The following MAF variants were observed in gnomAD, a reference collection of about 807,000 sequenced individuals.
The protein encoded by MAF is MAF bZIP transcription factor, also known as transcription factor Maf.
A neutral mutation model predicts 22.0 loss-of-function variants in MAF; 10 were observed. The ratio of observed to expected loss-of-function variants is 0.45; its 90% CI spans 0.28 to 0.77. MAF has a LOEUF of 0.77. MAF is among the 30% of genes least tolerant of loss of function. The pLI is 0.12. For synonymous variants in MAF, 337 were observed against 255.8 expected (o/e 1.32, Z -3.03); for missense variants, 544 against 548.4 (o/e 0.99, Z 0.08).
chr16:79,313,016 A>G, the MAF span, among the ~76,000 whole-genome samples: 1,174 of 152,294 alleles, frequency 7.7e-3, 15 homozygotes, highest in African/African-American at 0.027. Context: ...ATGGGCTTCA[A>G]CTCAGAGAAG....
the MAF span, among the ~76,000 whole-genome samples, chr16:79,231,465 A>G: frequency 9.6e-3 from 1,467 of 152,246 alleles, 30 homozygotes; most frequent in African/African-American, 0.033. Flanking sequence ...AATGGAACAG[A>G]AAACAGTGGT....
the MAF span, among the ~76,000 whole-genome samples, chr16:79,391,603 A>C: frequency 6.6e-6 from 1 of 152,158 alleles, no homozygotes; most frequent in African/African-American, 2.4e-5. Flanking sequence ...GCAAGGAGTG[A>C]AATGGGGGCA....
At chr16:79,367,380 A>G in the MAF span, among the ~76,000 whole-genome samples, 4 of 152,186 alleles carry the variant, frequency 2.6e-5, no homozygotes, top group Non-Finnish European at 4.4e-5. Flanking sequence ...TGCAGTTACC[A>G]TCTGTAGAAA....
At chr16:79,583,494 C>T (rs556647572), downstream of MAF, among the ~76,000 whole-genome samples, 7 of 152,142 alleles carry the variant, frequency 4.6e-5, no homozygotes, top group Non-Finnish European at 7.3e-5. Context: ...TCCCACCTGC[C>T]CTGCCCTGAG....
At chr16:79,309,042 G>C in the MAF span, among the ~76,000 whole-genome samples, 2 of 152,210 alleles carry the variant, frequency 1.3e-5, no homozygotes, top group African/African-American at 2.4e-5. Flanking sequence ...ATATGAAGGA[G>C]TTGAGGCTCT....
the MAF span, among the ~76,000 whole-genome samples, chr16:79,476,552 C>A: frequency 1.3e-5 from 2 of 152,194 alleles, no homozygotes; most frequent in African/African-American, 4.8e-5. Context: ...TCCTTTCTTG[C>A]ATTGTGGTCT....
rs1913363986 is a variant in MAF, at chr16:79,594,247, A to G, written c.*213T>C. ...ACCTGTTTACTTGCACACACCATAA[A>G]TCGAAAAGCAGGAGTGCGCTTTCCT... On this transcript the variant is annotated 3_prime_UTR_variant, in exon 2 of 2. Coordinates refer to ENST00000326043, the MANE Select transcript of MAF (RefSeq NM_005360.5). The G allele has an allele frequency of 1.8e-6, 1 of 555,978 alleles. No homozygotes were observed. The highest frequency in any genetic ancestry group is 3.0e-5 in the East Asian group (1 of 32,906). 34.4% of individuals were successfully genotyped at this position (555,978 alleles called of 1,614,324 possible).
At chr16:79,256,699 T>C in the MAF span, among the ~76,000 whole-genome samples, 2 of 152,194 alleles carry the variant, frequency 1.3e-5, no homozygotes, top group Non-Finnish European at 2.9e-5. Flanking sequence ...CTGCCTTCCA[T>C]GTCTGTTCAC....
At chr16:79,418,161 T>C in the MAF span, among the ~76,000 whole-genome samples, 1 of 152,230 alleles carries the variant, frequency 6.6e-6, no homozygotes, top group Admixed American at 6.5e-5. Context: ...CCTCTCATTG[T>C]GTCTCGAGAA....
At chr16:79,322,468 T>C in the MAF span, among the ~76,000 whole-genome samples, 4 of 151,906 alleles carry the variant, frequency 2.6e-5, no homozygotes, top group Non-Finnish European at 4.4e-5. Context: ...AAAAAGGCAA[T>C]AAGGAGGTGC....
the MAF span, among the ~76,000 whole-genome samples, chr16:79,222,699 G>T: frequency 2.3e-4 from 35 of 151,898 alleles, no homozygotes; most frequent in African/African-American, 7.5e-4. Context: ...AAGCAAGTGG[G>T]AAGAAAAAAA....
the MAF span, among the ~76,000 whole-genome samples, chr16:79,368,261 C>T: frequency 6.6e-6 from 1 of 152,134 alleles, no homozygotes; most frequent in African/African-American, 2.4e-5. Flanking sequence ...GAATGAGCCA[C>T]ATCCCTGGCT....
chr16:79,410,791 C>T, the MAF span, among the ~76,000 whole-genome samples: 4 of 152,174 alleles, frequency 2.6e-5, no homozygotes, highest in African/African-American at 7.2e-5. Flanking sequence ...TTGAAACCAT[C>T]GTGTGACCAT....
the MAF span, among the ~76,000 whole-genome samples, chr16:79,232,228 TA>T: frequency 1.1e-4 from 17 of 152,048 alleles, no homozygotes; most frequent in Non-Finnish European, 2.2e-4. Context: ...ATATACAAGT[TA>T]AAAAGACTTA....
the MAF span, among the ~76,000 whole-genome samples, chr16:79,245,996 G>T: frequency 1.3e-5 from 2 of 151,992 alleles, no homozygotes; most frequent in Non-Finnish European, 2.9e-5. Context: ...TCAAAAGTGG[G>T]AGTTGAACAA....
chr16:79,236,774 G>A, the MAF span, among the ~76,000 whole-genome samples: 1 of 151,872 alleles, frequency 6.6e-6, no homozygotes, highest in Non-Finnish European at 1.5e-5. Context: ...GCTGATCATA[G>A]TTCGTTCTTA....
At chr16:79,287,381 C>G in the MAF span, among the ~76,000 whole-genome samples, 1 of 152,218 alleles carries the variant, frequency 6.6e-6, no homozygotes, top group Non-Finnish European at 1.5e-5. Context: ...AGCCCCTTCC[C>G]GGTGAGGCGG....
the MAF span, among the ~76,000 whole-genome samples, chr16:79,451,887 C>T: frequency 6.6e-6 from 1 of 152,156 alleles, no homozygotes; most frequent in Non-Finnish European, 1.5e-5. Context: ...TCATTTCAAA[C>T]TAGGTAGAGC....
At chr16:79,502,146 G>T in the MAF span, among the ~76,000 whole-genome samples, 2 of 152,072 alleles carry the variant, frequency 1.3e-5, no homozygotes, top group Non-Finnish European at 2.9e-5. Flanking sequence ...GCCCCTTGTC[G>T]TGACAGCCAG....
Sources: gnomAD v4.1 joint callset for allele counts (sites outside exome capture counted in the v4.1 genomes callset) on GRCh38, gnomAD v4.1.1 for gene constraint, MANE v1.5 for transcripts, NCBI Gene and HGNC (gene_info 2026-07-23, HGNC 2026-07-21) for gene names.